The following BICC1 variants were observed in gnomAD, a reference collection of about 807,000 sequenced individuals.
BICC1 encodes BicC family RNA binding protein 1, also known as protein bicaudal C homolog 1.
BICC1 carries 43 observed loss-of-function variants against 111.0 expected under a neutral mutation model. The ratio of observed to expected loss-of-function variants is 0.39; its 90% CI spans 0.30 to 0.50. BICC1 has a LOEUF of 0.50. Ranked by LOEUF, BICC1 falls within the 20% of genes least tolerant of loss-of-function variation. BICC1 has a pLI of 0.88. For missense variants in BICC1, 1,091 were observed against 1,203.2 expected (o/e 0.91, Z 1.38); for synonymous variants, 467 against 434.4 (o/e 1.07, Z -0.93).
At chr10:58,811,371 C>T (rs1023537312) in intron 17 of BICC1, among the ~76,000 whole-genome samples, 12 of 152,056 alleles carry the variant, frequency 7.9e-5, no homozygotes, top group Admixed American at 1.3e-4. Context: ...CTGATAGTAA[C>T]GAGGTTGTCT....
intron 2 of BICC1, among the ~76,000 whole-genome samples, chr10:58,634,600 G>A (rs1005990338): frequency 6.6e-6 from 1 of 152,164 alleles, no homozygotes; most frequent in Non-Finnish European, 1.5e-5. Flanking sequence ...AAGAAAAGTT[G>A]TAAATTCTTG....
chr10:58,600,985 T>C (rs891121820), intron 1 of BICC1, among the ~76,000 whole-genome samples: 2 of 151,756 alleles, frequency 1.3e-5, no homozygotes, highest in African/African-American at 2.4e-5. Context: ...AGGTAGTTGC[T>C]GACCCAACCC....
chr10:58,828,809 C>T lies in BICC1; in HGVS notation c.2843C>T (p.Thr948Ile). ...CTTTTTGAATCGCCAAATGCACGCA[C>T]CTCTTTCCTGGAAGGTGGAGCGAGT... ...RKLFESPNAR[T>I]SFLEGGASGR... Residue 948 changes from threonine (T) to isoleucine (I), a missense_variant, in exon 21 of 21, where the codon ACC becomes ATC. Thr to Ile is a moderately conservative substitution (Grantham distance 89, BLOSUM62 -1). Around this residue, in one of 3 missense-constraint regions of BICC1, gnomAD observed 231 missense variants for 256.2 expected, o/e 0.90. Transcript: ENST00000373886. The T allele has an allele frequency of 6.2e-7, 1 of 1,613,904 alleles. No homozygotes were observed. Among genetic ancestry groups the T allele is most frequent in the Non-Finnish European group, 8.5e-7 (1 of 1,179,868 alleles).
At chr10:58,682,417 G>A (rs1336324147) in intron 2 of BICC1, among the ~76,000 whole-genome samples, 2 of 152,112 alleles carry the variant, frequency 1.3e-5, no homozygotes, top group Non-Finnish European at 2.9e-5. Flanking sequence ...GGTATTTCTA[G>A]TTCTAGATCC....
intron 1 of BICC1, among the ~76,000 whole-genome samples, chr10:58,593,775 C>T (rs549190377): frequency 6.2e-4 from 94 of 152,172 alleles, no homozygotes; most frequent in African/African-American, 2.1e-3. Flanking sequence ...TAGAAACCAG[C>T]GCAAAAATGC....
intron 1 of BICC1, among the ~76,000 whole-genome samples, chr10:58,607,276 A>G (rs963175038): frequency 1.0e-5 from 1 of 95,610 alleles, no homozygotes; most frequent in Non-Finnish European, 2.4e-5. Context: ...AGATTGTGCC[A>G]TGGCACTCCA....
At chr10:58,595,077 T>C (rs1318482530) in intron 1 of BICC1, among the ~76,000 whole-genome samples, 2 of 152,148 alleles carry the variant, frequency 1.3e-5, no homozygotes, top group Non-Finnish European at 2.9e-5. Flanking sequence ...TCGTAGGCTC[T>C]GATAAAACAG....
chr10:58,537,090 C>G (rs193047380), intron 1 of BICC1, among the ~76,000 whole-genome samples: 1 of 151,140 alleles, frequency 6.6e-6, no homozygotes, highest in Non-Finnish European at 1.5e-5. Context: ...AACCTGTCAA[C>G]AAAAAAAGCC....
chr10:58,825,124 A>G (rs985611957), intron 20 of BICC1, among the ~76,000 whole-genome samples: 6 of 152,112 alleles, frequency 3.9e-5, no homozygotes, highest in African/African-American at 1.4e-4. Context: ...CTAAGCTGAT[A>G]TGATTTTTTT....
At chr10:58,609,687 A>G (rs1002658361) in intron 1 of BICC1, among the ~76,000 whole-genome samples, 1 of 152,214 alleles carries the variant, frequency 6.6e-6, no homozygotes, top group African/African-American at 2.4e-5. Context: ...ATGTGAATTC[A>G]GACTAGTCAC....
At chr10:58,701,917 C>A (rs75878915) in intron 2 of BICC1, among the ~76,000 whole-genome samples, 157 bp from the exon 3 acceptor site, 1 of 151,902 alleles carries the variant, frequency 6.6e-6, no homozygotes, top group African/African-American at 2.4e-5. Context: ...TCTTTTCCCC[C>A]CAGGGTTTTT....
chr10:58,652,785 A>G (rs1179861311), intron 2 of BICC1, among the ~76,000 whole-genome samples: 1 of 151,976 alleles, frequency 6.6e-6, no homozygotes, highest in Non-Finnish European at 1.5e-5. Flanking sequence ...GCTTCTTTTT[A>G]CTTATTTTAG....
intron 1 of BICC1, among the ~76,000 whole-genome samples, chr10:58,551,289 A>G (rs1395436424): frequency 6.6e-6 from 1 of 152,186 alleles, no homozygotes; most frequent in Non-Finnish European, 1.5e-5. Flanking sequence ...GTTATTATAC[A>G]AAGGTGAATT....
At chr10:58,693,958 C>A (rs1415417094) in intron 2 of BICC1, among the ~76,000 whole-genome samples, 2 of 152,062 alleles carry the variant, frequency 1.3e-5, no homozygotes, top group African/African-American at 4.8e-5. Flanking sequence ...CTGAATGGTA[C>A]TGGCTAGGTT....
chr10:58,540,753 T>C (rs548341484), intron 1 of BICC1, among the ~76,000 whole-genome samples: 1 of 152,136 alleles, frequency 6.6e-6, no homozygotes, highest in African/African-American at 2.4e-5. Context: ...TGCAAACTCA[T>C]TCTACAAGGT....
intron 8 of BICC1, among the ~76,000 whole-genome samples, chr10:58,790,575 C>A (rs1229459419): frequency 2.0e-5 from 3 of 152,160 alleles, no homozygotes; most frequent in African/African-American, 7.2e-5. Context: ...TGCCTGTAAT[C>A]CCAGCACTTT....
intron 3 of BICC1, among the ~76,000 whole-genome samples, chr10:58,761,707 G>A (rs1206272865): frequency 6.6e-6 from 1 of 152,084 alleles, no homozygotes; most frequent in East Asian, 1.9e-4. Context: ...AATGAAGGAT[G>A]TAATTGGGCT....
chr10:58,656,898 A>G (rs1210144108), intron 2 of BICC1, among the ~76,000 whole-genome samples: 1 of 152,162 alleles, frequency 6.6e-6, no homozygotes, highest in East Asian at 1.9e-4. Context: ...TCGGCATAAC[A>G]GTTTATAATC....
At chr10:58,795,612 A>G (rs1470313785) in intron 9 of BICC1, among the ~76,000 whole-genome samples, 2 of 152,062 alleles carry the variant, frequency 1.3e-5, no homozygotes, top group African/African-American at 4.8e-5. Context: ...CAGCTGGCCC[A>G]CATTCTAACT....
Sources: allele counts gnomAD v4.1 joint callset (sites outside exome capture counted in the v4.1 genomes callset), GRCh38; gene constraint gnomAD v4.1.1; regional missense constraint gnomAD v4.1.1; transcripts MANE v1.5; gene names NCBI Gene and HGNC (gene_info 2026-07-23, HGNC 2026-07-21).